Variants in RAB3C observed in about 807,000 individuals in gnomAD.
The protein encoded by RAB3C is ras-related protein Rab-3C.
Under a neutral mutation model 26.4 loss-of-function variants are expected in RAB3C, and 17 were observed. The ratio of observed to expected loss-of-function variants is 0.64; its 90% CI spans 0.44 to 0.97. RAB3C has a LOEUF of 0.97. Among genes scored for constraint, RAB3C ranks in the 50% least tolerant of loss-of-function variants. The pLI is 0.00. For synonymous variants in RAB3C, 91 were observed against 95.9 expected (o/e 0.95, Z 0.30); for missense variants, 242 against 281.9 (o/e 0.86, Z 1.01).
At chr5:58,744,440 G>A (rs781464568) in intron 3 of RAB3C, among the ~76,000 whole-genome samples, 17 of 152,152 alleles carry the variant, frequency 1.1e-4, no homozygotes, top group Non-Finnish European at 2.1e-4. Context: ...TGCAGTCATC[G>A]TCACACGATT....
chr5:58,722,987 T>G (rs1307374138), intron 2 of RAB3C, among the ~76,000 whole-genome samples: 2 of 151,852 alleles, frequency 1.3e-5, no homozygotes, highest in Non-Finnish European at 2.9e-5. Context: ...CTTAAATTCA[T>G]TAACCATTTA....
intron 2 of RAB3C, among the ~76,000 whole-genome samples, chr5:58,660,192 C>T (rs775300274): frequency 6.7e-6 from 1 of 150,128 alleles, no homozygotes; most frequent in Non-Finnish European, 1.5e-5. Flanking sequence ...ATACCCCCTT[C>T]CTATCTATGC....
At chr5:58,821,157 C>T (rs780726872) in intron 3 of RAB3C, among the ~76,000 whole-genome samples, 20 of 152,208 alleles carry the variant, frequency 1.3e-4, no homozygotes, top group Admixed American at 4.6e-4. Flanking sequence ...GGGTCATTAA[C>T]ACCCTGGCCC....
chr5:58,734,281 A>C (rs1344677962), intron 3 of RAB3C, among the ~76,000 whole-genome samples: 2 of 152,120 alleles, frequency 1.3e-5, no homozygotes. Context: ...GTTAAACATG[A>C]AAGTTAGCCT....
At chr5:58,750,235 C>T (rs1561309377) in intron 3 of RAB3C, among the ~76,000 whole-genome samples, 3 of 152,136 alleles carry the variant, frequency 2.0e-5, no homozygotes, top group East Asian at 3.9e-4. Context: ...GACCAATTCT[C>T]AACAGCCAGA....
chr5:58,776,892 T>C (rs115187076), intron 3 of RAB3C, among the ~76,000 whole-genome samples: 1,651 of 152,258 alleles, frequency 0.011, 15 homozygotes, highest in Non-Finnish European at 0.018. Context: ...AGAAGCAGTA[T>C]GTATATAACT....
chr5:58,718,125 G>A (rs1749212032), intron 2 of RAB3C, among the ~76,000 whole-genome samples: 3 of 151,986 alleles, frequency 2.0e-5, no homozygotes, highest in Admixed American at 6.6e-5. Context: ...TTATCCTGCA[G>A]GTTTTGAAAA....
At chr5:58,612,520 GTATATATATATATATA>G (rs200928384) in intron 1 of RAB3C, among the ~76,000 whole-genome samples, 14 of 79,174 alleles carry the variant, frequency 1.8e-4, no homozygotes, top group South Asian at 1.6e-3. Flanking sequence ...GTGTGTGTGT[GTATATATATATATATA>G]TATATATATA....
chr5:58,783,913 C>T (rs1742322372), intron 3 of RAB3C, among the ~76,000 whole-genome samples: 1 of 152,160 alleles, frequency 6.6e-6, no homozygotes, highest in African/African-American at 2.4e-5. Flanking sequence ...GCCCCTATAA[C>T]CATATAAAAG....
At chr5:58,737,779 C>A (rs903583589) in intron 3 of RAB3C, among the ~76,000 whole-genome samples, 5 of 151,892 alleles carry the variant, frequency 3.3e-5, no homozygotes, top group Non-Finnish European at 7.4e-5. Flanking sequence ...GAAAACAAAC[C>A]AATGCTCTCA....
At chr5:58,773,628 T>G (rs931827897) in intron 3 of RAB3C, among the ~76,000 whole-genome samples, 1 of 152,096 alleles carries the variant, frequency 6.6e-6, no homozygotes, top group Non-Finnish European at 1.5e-5. Context: ...ACTGGGTACC[T>G]TGATTGAGGC....
intron 2 of RAB3C, among the ~76,000 whole-genome samples, chr5:58,636,911 A>G (rs1207175826): frequency 2.0e-5 from 3 of 152,178 alleles, no homozygotes; most frequent in African/African-American, 4.8e-5. Flanking sequence ...TCAATACATC[A>G]CATAAAAAAT....
intron 2 of RAB3C, among the ~76,000 whole-genome samples, chr5:58,674,720 A>C (rs1466482873): frequency 6.6e-6 from 1 of 152,238 alleles, no homozygotes; most frequent in Non-Finnish European, 1.5e-5. Flanking sequence ...TTTTAAGTGC[A>C]TAGAGGTCTT....
At chr5:58,763,459 T>C (rs1741837331) in intron 3 of RAB3C, among the ~76,000 whole-genome samples, 1 of 152,182 alleles carries the variant, frequency 6.6e-6, no homozygotes, top group African/African-American at 2.4e-5. Context: ...TCCCCATGGA[T>C]ATACAGAGAG....
chr5:58,841,873 C>A (rs1363509371), intron 4 of RAB3C, among the ~76,000 whole-genome samples: 1 of 152,150 alleles, frequency 6.6e-6, no homozygotes, highest in Non-Finnish European at 1.5e-5. Flanking sequence ...TAGCATTCTC[C>A]CTTTGACAAA....
intron 3 of RAB3C, among the ~76,000 whole-genome samples, chr5:58,805,540 G>T (rs565901451): frequency 7.1e-6 from 1 of 140,254 alleles, no homozygotes; most frequent in African/African-American, 2.7e-5. Flanking sequence ...AGCTGAGATC[G>T]CGCCACTGCA....
intron 2 of RAB3C, among the ~76,000 whole-genome samples, chr5:58,701,323 C>G (rs1322773732): frequency 6.6e-6 from 1 of 152,120 alleles, no homozygotes; most frequent in Non-Finnish European, 1.5e-5. Flanking sequence ...TAATCACATT[C>G]TAAATTCTGT....
chr5:58,687,971 A>G (rs149481369), intron 2 of RAB3C, among the ~76,000 whole-genome samples: 1 of 152,230 alleles, frequency 6.6e-6, no homozygotes, highest in East Asian at 1.9e-4. Context: ...TCCATTAACC[A>G]TCTTAGACAC....
At chr5:58,824,966 G>T in intron 3 of RAB3C, 72 bp from the exon 4 acceptor site, 3 of 1,016,188 alleles carry the variant, frequency 3.0e-6, no homozygotes, top group Non-Finnish European at 2.9e-6. Flanking sequence ...TCTGTGGAAT[G>T]TATTTCTTCT....
Sources: allele counts gnomAD v4.1 joint callset (sites outside exome capture counted in the v4.1 genomes callset), GRCh38; gene constraint gnomAD v4.1.1; transcripts MANE v1.5; gene names NCBI Gene and HGNC (gene_info 2026-07-23, HGNC 2026-07-21).